Variants in ESRRG observed in about 807,000 individuals in gnomAD.
ESRRG encodes the protein estrogen related receptor gamma, also known as estrogen-related receptor gamma.
ESRRG carries 13 observed loss-of-function variants against 44.0 expected under a neutral mutation model. The ratio of observed to expected loss-of-function variants is 0.30; its 90% CI spans 0.19 to 0.47. The LOEUF (loss-of-function observed/expected upper bound fraction) is 0.47, where lower values mean the gene tolerates loss of function less well. Among genes scored for constraint, ESRRG ranks in the 20% least tolerant of loss-of-function variants. ESRRG has a pLI of 1.00. For missense variants in ESRRG, 395 were observed against 580.6 expected, an observed-to-expected ratio of 0.68 and a Z score of 3.29; for synonymous variants, 215 against 214.6, an observed-to-expected ratio of 1.00 and a Z score of -0.02.
At chr1:216,907,688 T>C (rs927534260) in intron 2 of ESRRG, among the ~76,000 whole-genome samples, 5 of 152,178 alleles carry the variant, frequency 3.3e-5, no homozygotes, top group Admixed American at 3.3e-4. Flanking sequence ...ATACCAGGCA[T>C]ATCTAAATTC....
At position 217,131,332 on chromosome 1, in the gene ESRRG, G is replaced by GA. The variant is rs113025776; in HGVS notation, c.-230+6334dup. Reference sequence around the variant, plus strand: ...GACCAGGTTTATTCCAAATAGCAAAGAAAAAAAAAAACAGTGAGCAAGTAT... The same window carrying GA: ...GACCAGGTTTATTCCAAATAGCAAAGAAAAAAAAAAAACAGTGAGCAAGTAT... On this transcript the variant is annotated intron_variant, in intron 1 of 8. Coordinates refer to the ESRRG transcript ENST00000366940. 6.6e-3 allele frequency among the ~76,000 whole-genome samples: 926 copies of GA among 139,814 alleles called. 6 individuals are homozygous for GA. Among genetic ancestry groups the GA allele is most frequent in the African/African-American group, 0.019 (733 of 38,712 alleles). The allele number at this position is 139,814 out of a possible 152,430, so 91.7% of individuals were successfully genotyped here.
intron 3 of ESRRG, among the ~76,000 whole-genome samples, chr1:216,646,726 A>G (rs1225839055): frequency 6.6e-6 from 1 of 152,188 alleles, no homozygotes; most frequent in Non-Finnish European, 1.5e-5. Context: ...TACAGATGAC[A>G]AAATAGGAGA....
At chr1:216,511,737 T>C (rs886231510) in intron 6 of ESRRG, among the ~76,000 whole-genome samples, 10 of 152,150 alleles carry the variant, frequency 6.6e-5, no homozygotes, top group African/African-American at 2.4e-4. Context: ...CATGGAATAT[T>C]TTGTCACACC....
At chr1:216,665,681 G>T (rs1438099151) in intron 2 of ESRRG, among the ~76,000 whole-genome samples, 3 of 151,970 alleles carry the variant, frequency 2.0e-5, no homozygotes, top group Admixed American at 1.3e-4. Context: ...GGTTAAGATG[G>T]TAAATTTTAT....
chr1:217,057,557 G>T (rs775478559), intron 1 of ESRRG, among the ~76,000 whole-genome samples: 1 of 151,672 alleles, frequency 6.6e-6, no homozygotes, highest in Non-Finnish European at 1.5e-5. Context: ...AGGGAGACAG[G>T]ACTGAAAAAA....
chr1:217,114,743 G>T (rs1398702811), intron 1 of ESRRG, among the ~76,000 whole-genome samples: 2 of 140,308 alleles, frequency 1.4e-5, no homozygotes, highest in Non-Finnish European at 3.0e-5. Flanking sequence ...TGCAATCTCT[G>T]CCCCCTGGGT....
chr1:216,731,135 C>A (rs531671829), intron 2 of ESRRG, among the ~76,000 whole-genome samples: 1 of 152,310 alleles, frequency 6.6e-6, no homozygotes, highest in South Asian at 2.1e-4. Context: ...CAGATATGTC[C>A]TGAACCCAAA....
At chr1:216,602,657 TA>T (rs1482113192) in intron 3 of ESRRG, among the ~76,000 whole-genome samples, 5 of 152,324 alleles carry the variant, frequency 3.3e-5, no homozygotes, top group South Asian at 2.1e-4. Context: ...AGGATTATTC[TA>T]AAATTTCACA....
At position 216,723,403 on chromosome 1, in the gene ESRRG, A is replaced by T; in HGVS notation, c.-104T>A. On this transcript the variant is annotated 5_prime_UTR_variant, in exon 1 of 7. Transcript: ENST00000408911. ...AATGTTCTCCTAGTGACAAGCCTAT[A>T]GGCACAGCCAGTTGGGACCAAAGCT... 9.5e-7 allele frequency: 1 copy of T among 1,053,970 alleles called. No individual in the cohort carries two copies. Among genetic ancestry groups the T allele is most frequent in the Non-Finnish European group, 1.5e-6 (1 of 681,002 alleles). 65.3% of individuals were successfully genotyped at this position (1,053,970 alleles called of 1,614,324 possible). A position where few individuals can be genotyped will look rare whatever the true frequency, so the allele number is the denominator to read the frequency against.
intron 1 of ESRRG, among the ~76,000 whole-genome samples, chr1:217,064,902 G>A (rs572455369): frequency 3.9e-5 from 6 of 152,106 alleles, no homozygotes; most frequent in Non-Finnish European, 7.4e-5. Flanking sequence ...ATCCTGACTG[G>A]GTTTTACTCT....
At chr1:216,914,108 CT>C (rs146978478) in intron 2 of ESRRG, among the ~76,000 whole-genome samples, 1 of 150,904 alleles carries the variant, frequency 6.6e-6, no homozygotes, top group Non-Finnish European at 1.5e-5. Flanking sequence ...TCCCCCCATC[CT>C]TTTTTTTTAA....
At chr1:216,990,901 C>T (rs1439586547) in intron 1 of ESRRG, among the ~76,000 whole-genome samples, 1 of 152,060 alleles carries the variant, frequency 6.6e-6, no homozygotes, top group Non-Finnish European at 1.5e-5. Context: ...TACTGTATTG[C>T]TATTTCCTGT....
chr1:217,024,917 C>T (rs1316471606), intron 1 of ESRRG, among the ~76,000 whole-genome samples: 1 of 152,202 alleles, frequency 6.6e-6, no homozygotes, highest in African/African-American at 2.4e-5. Flanking sequence ...CAGAGATATA[C>T]TTTAAAACAT....
At chr1:216,658,705 C>T (rs1002936851) in intron 2 of ESRRG, among the ~76,000 whole-genome samples, 2 of 150,274 alleles carry the variant, frequency 1.3e-5, no homozygotes, top group Admixed American at 6.6e-5. Context: ...TGGTTGTGTG[C>T]GCCTGTAATC....
chr1:216,969,809 T>G (rs1310162757), intron 1 of ESRRG, among the ~76,000 whole-genome samples: 1 of 152,126 alleles, frequency 6.6e-6, no homozygotes, highest in African/African-American at 2.4e-5. Context: ...GGTCTCAAAC[T>G]CCTGACCTCA....
intron 5 of ESRRG, among the ~76,000 whole-genome samples, chr1:216,539,371 G>C (rs2051991244): frequency 6.6e-6 from 1 of 151,772 alleles, no homozygotes; most frequent in South Asian, 2.1e-4. Flanking sequence ...TTTTCGTTTG[G>C]TTGCTTAGTA....
At chr1:217,084,258 C>T (rs2091944790) in intron 1 of ESRRG, among the ~76,000 whole-genome samples, 1 of 151,922 alleles carries the variant, frequency 6.6e-6, no homozygotes, top group Non-Finnish European at 1.5e-5. Context: ...GAAGAAAGTG[C>T]AATAAATATT....
chr1:216,930,720 T>C (rs2063220033), intron 2 of ESRRG, among the ~76,000 whole-genome samples: 1 of 152,194 alleles, frequency 6.6e-6, no homozygotes, highest in African/African-American at 2.4e-5. Flanking sequence ...CACTTCAACA[T>C]CCAGATTTCT....
At chr1:216,835,151 A>T in intron 2 of ESRRG, among the ~76,000 whole-genome samples, 1 of 115,696 alleles carries the variant, frequency 8.6e-6, no homozygotes, top group African/African-American at 4.4e-5. Flanking sequence ...GAACCAACTG[A>T]TAATCAGAGT....
Sources: gnomAD v4.1 joint callset for allele counts (sites outside exome capture counted in the v4.1 genomes callset) on GRCh38, gnomAD v4.1.1 for gene constraint, MANE v1.5 for transcripts, NCBI Gene and HGNC (gene_info 2026-07-23, HGNC 2026-07-21) for gene names.